Variants in IMMP2L observed in about 807,000 individuals in gnomAD.
IMMP2L encodes the protein mitochondrial inner membrane protease subunit 2.
A neutral mutation model predicts 19.3 loss-of-function variants in IMMP2L; 18 were observed. That is an observed-to-expected ratio of 0.93 (90% CI 0.64 to 1.38). The LOEUF is 1.38. Ranked by LOEUF, IMMP2L falls within the 40% of genes most tolerant of loss-of-function variation. The pLI, the probability that IMMP2L is intolerant of heterozygous loss-of-function variation, is 0.00. For missense variants in IMMP2L, 233 were observed against 218.2 expected, an observed-to-expected ratio of 1.07 and a Z score of -0.43; for synonymous variants, 76 against 73.0, an observed-to-expected ratio of 1.04 and a Z score of -0.21.
At chr7:111,539,268 AAG>A (rs1491179074) in intron 1 of IMMP2L, among the ~76,000 whole-genome samples, 33 of 146,438 alleles carry the variant, frequency 2.3e-4, no homozygotes, top group South Asian at 1.1e-3. Flanking sequence ...GAAAGAAAGA[AAG>A]AGAACATACG....
rs189948293 is a variant in IMMP2L, at chr7:111,159,150, C to T, written c.240-195585G>A. On this transcript the variant is annotated intron_variant, in intron 3 of 5. Transcript: ENST00000405709. ...ATTTATTTAGAGACGGAGTCTCGCT[C>T]TGTTACCCAGGTTGGAGTGCAGTAG... 7.8e-4 allele frequency among the ~76,000 whole-genome samples: 118 copies of T among 152,238 alleles called. 1 individual carries two copies. The highest frequency in any genetic ancestry group is 2.6e-3 in the African/African-American group (110 of 41,542).
At chr7:111,287,877 T>G (rs767499102) in intron 3 of IMMP2L, among the ~76,000 whole-genome samples, 1 of 152,104 alleles carries the variant, frequency 6.6e-6, no homozygotes, top group African/African-American at 2.4e-5. Context: ...GAAAGAAATA[T>G]TGGAGTCTAT....
chr7:110,715,329 A>G (rs1171928218), intron 5 of IMMP2L, among the ~76,000 whole-genome samples: 1 of 151,374 alleles, frequency 6.6e-6, no homozygotes, highest in Non-Finnish European at 1.5e-5. Flanking sequence ...GTTTGTTCTT[A>G]TTTTTCTAGT....
intron 3 of IMMP2L, among the ~76,000 whole-genome samples, chr7:111,234,246 T>C (rs1246344208): frequency 6.6e-6 from 1 of 152,160 alleles, no homozygotes; most frequent in Non-Finnish European, 1.5e-5. Flanking sequence ...CTTTCTGTTA[T>C]AGATACCTAA....
intron 5 of IMMP2L, among the ~76,000 whole-genome samples, chr7:110,765,973 G>C (rs1798630908): frequency 6.6e-6 from 1 of 152,142 alleles, no homozygotes; most frequent in Non-Finnish European, 1.5e-5. Context: ...TTTGCAGTGT[G>C]TGGTTGTGCA....
intron 3 of IMMP2L, among the ~76,000 whole-genome samples, chr7:111,049,296 A>G (rs924329162): frequency 6.6e-6 from 1 of 151,508 alleles, no homozygotes; most frequent in Admixed American, 6.6e-5. Flanking sequence ...ACGCCCGGCT[A>G]ATTTTTTTGT....
intron 3 of IMMP2L, among the ~76,000 whole-genome samples, chr7:111,334,356 G>A (rs1317102105): frequency 6.6e-6 from 1 of 151,754 alleles, no homozygotes; most frequent in East Asian, 1.9e-4. Flanking sequence ...TAACAAAACG[G>A]CCTTCTGTTT....
chr7:111,388,577 A>C (rs185295917), intron 3 of IMMP2L, among the ~76,000 whole-genome samples: 1 of 152,192 alleles, frequency 6.6e-6, no homozygotes, highest in Non-Finnish European at 1.5e-5. Context: ...ACTGGGAACA[A>C]ACAGAGGTTT....
chr7:111,460,977 T>C (rs1037789431), intron 3 of IMMP2L, among the ~76,000 whole-genome samples: 1 of 148,798 alleles, frequency 6.7e-6, no homozygotes, highest in Non-Finnish European at 1.5e-5. Flanking sequence ...TGCTTAACCA[T>C]CTTATTCATT....
intron 3 of IMMP2L, among the ~76,000 whole-genome samples, chr7:111,257,755 T>C (rs993976483): frequency 6.6e-6 from 1 of 152,116 alleles, no homozygotes; most frequent in Non-Finnish European, 1.5e-5. Flanking sequence ...ATACGGCCTA[T>C]ACATCTTTTA....
At chr7:111,025,286 T>C (rs1826694096) in intron 3 of IMMP2L, among the ~76,000 whole-genome samples, 1 of 152,206 alleles carries the variant, frequency 6.6e-6, no homozygotes, top group Non-Finnish European at 1.5e-5. Flanking sequence ...TGGTTAGCCA[T>C]GTCATCTACT....
chr7:111,372,579 T>A lies in IMMP2L; in HGVS notation c.239+114659A>T, dbSNP rs561851315. ...AGCTGACTGCCTGTAAACATTCAAATGATCACTTGACTTTGTCACTTCTTC... is the reference window on the plus strand; with the variant it reads ...AGCTGACTGCCTGTAAACATTCAAAAGATCACTTGACTTTGTCACTTCTTC... On this transcript the variant is annotated intron_variant, in intron 3 of 5. Transcript: ENST00000405709. Among the ~76,000 whole-genome samples the A allele has an allele frequency of 2.6e-5, 4 of 151,966 alleles. No homozygotes were observed. The East Asian group carries it at 5.8e-4, about 22-fold the overall frequency.
intron 3 of IMMP2L, among the ~76,000 whole-genome samples, chr7:111,026,006 A>G (rs1826773369): frequency 1.3e-5 from 2 of 148,742 alleles, no homozygotes. Context: ...TCCTTTTGCT[A>G]ATATTAAACA....
intron 4 of IMMP2L, chr7:110,962,351 A>G (rs1819038561): frequency 6.6e-6 from 1 of 152,058 alleles, no homozygotes; most frequent in South Asian, 2.1e-4. Flanking sequence ...AAATACCAAT[A>G]ATAAACCCTT....
At chr7:111,560,872 C>T (rs1791965085) in intron 1 of IMMP2L, among the ~76,000 whole-genome samples, 1 of 152,170 alleles carries the variant, frequency 6.6e-6, no homozygotes, top group Non-Finnish European at 1.5e-5. Flanking sequence ...ATCACTTGAG[C>T]ACAAACAAAT....
chr7:111,236,783 GA>G (rs376925946), intron 3 of IMMP2L, among the ~76,000 whole-genome samples: 1 of 151,972 alleles, frequency 6.6e-6, no homozygotes, highest in Non-Finnish European at 1.5e-5. Context: ...CTGGGCCCTG[GA>G]AAAACCTCTC....
chr7:111,070,150 A>G (rs917034576), intron 3 of IMMP2L, among the ~76,000 whole-genome samples: 3 of 152,234 alleles, frequency 2.0e-5, no homozygotes, highest in Non-Finnish European at 4.4e-5. Flanking sequence ...AAATATGTAA[A>G]GCGTAAAGTA....
At chr7:111,503,763 T>A (rs1844570724) in intron 2 of IMMP2L, among the ~76,000 whole-genome samples, 2 of 152,050 alleles carry the variant, frequency 1.3e-5, no homozygotes, top group South Asian at 4.2e-4. Flanking sequence ...TTTGACAAAA[T>A]TCAACAACCC....
rs183449356 is a variant in IMMP2L, at chr7:111,072,690, T to C, written c.240-109125A>G. Among the ~76,000 whole-genome samples, 536 of 152,166 alleles carry C rather than the reference T, an allele frequency of 3.5e-3. 3 individuals carry two copies. Among genetic ancestry groups the C allele is most frequent in the African/African-American group, 0.013 (520 of 41,500 alleles). On this transcript the variant is annotated intron_variant, in intron 3 of 5. Transcript: ENST00000405709. ...GCAGGCGGATCACGAGGTCAGGAGATTGAGACCACCCTGATTAACACAGTG... is the reference window on the plus strand; with the variant it reads ...GCAGGCGGATCACGAGGTCAGGAGACTGAGACCACCCTGATTAACACAGTG...
Sources: allele counts gnomAD v4.1 joint callset (sites outside exome capture counted in the v4.1 genomes callset), GRCh38; gene constraint gnomAD v4.1.1; transcripts MANE v1.5; gene names NCBI Gene and HGNC (gene_info 2026-07-23, HGNC 2026-07-21).